The following SPIDR variants were observed in gnomAD, a reference collection of about 807,000 sequenced individuals.
SPIDR encodes the protein scaffold protein involved in DNA repair.
In SPIDR, 93 loss-of-function variants were observed where a neutral mutation model predicts 104.6. That is an observed-to-expected ratio of 0.89 (90% CI 0.75 to 1.06). The LOEUF (loss-of-function observed/expected upper bound fraction) is 1.06, where lower values mean the gene tolerates loss of function less well. Among genes scored for constraint, SPIDR ranks in the 50% least tolerant of loss-of-function variants. The pLI is 0.00. For synonymous variants in SPIDR, 431 were observed against 416.9 expected, an observed-to-expected ratio of 1.03 and a Z score of -0.41; for missense variants, 1,154 against 1,111.2, an observed-to-expected ratio of 1.04 and a Z score of -0.55.
At chr8:47,373,469 G>A (rs570264890) in intron 5 of SPIDR, among the ~76,000 whole-genome samples, 5 of 152,108 alleles carry the variant, frequency 3.3e-5, no homozygotes, top group African/African-American at 1.2e-4. Flanking sequence ...AAATGTGGCA[G>A]TAGTTTAGGT....
chr8:47,344,797 C>G (rs1312458310), intron 5 of SPIDR, among the ~76,000 whole-genome samples: 2 of 152,134 alleles, frequency 1.3e-5, no homozygotes, highest in African/African-American at 2.4e-5. Context: ...TGTCCTTTGC[C>G]CACTTTTTGA....
intron 8 of SPIDR, among the ~76,000 whole-genome samples, chr8:47,524,216 G>A (rs867873336): frequency 4.6e-5 from 7 of 152,076 alleles, no homozygotes; most frequent in African/African-American, 1.4e-4. Context: ...GGTAAATCAG[G>A]CGACTCTCCA....
chr8:47,486,615 C>T (rs1352898195), intron 8 of SPIDR, among the ~76,000 whole-genome samples: 1 of 152,258 alleles, frequency 6.6e-6, no homozygotes, highest in East Asian at 1.9e-4. Context: ...GTCGGGTTAC[C>T]CACAAAGGGA....
At chr8:47,291,219 T>C in intron 4 of SPIDR, 82 bp downstream of exon 4, 2 of 894,956 alleles carry the variant, frequency 2.2e-6, no homozygotes, top group South Asian at 5.1e-5. Context: ...GAAGGTAAAT[T>C]GATAATTTTG....
At chr8:47,651,879 C>T (rs1288542645) in intron 10 of SPIDR, among the ~76,000 whole-genome samples, 1 of 152,092 alleles carries the variant, frequency 6.6e-6, no homozygotes, top group Non-Finnish European at 1.5e-5. Flanking sequence ...TGTATGTTCT[C>T]ACTTACAAAT....
chr8:47,643,733 C>T (rs1168314117), intron 10 of SPIDR, among the ~76,000 whole-genome samples: 3 of 152,230 alleles, frequency 2.0e-5, no homozygotes, highest in East Asian at 1.9e-4. Context: ...ATATTATATA[C>T]ACAAAAAAGC....
At chr8:47,437,108 T>A (rs1358102448) in intron 7 of SPIDR, among the ~76,000 whole-genome samples, 3 of 152,188 alleles carry the variant, frequency 2.0e-5, no homozygotes, top group Admixed American at 6.5e-5. Flanking sequence ...TCTTTTTTTT[T>A]TATACTTTAA....
At chr8:47,489,061 T>C (rs1158807381) in intron 8 of SPIDR, among the ~76,000 whole-genome samples, 1 of 152,180 alleles carries the variant, frequency 6.6e-6, no homozygotes, top group Non-Finnish European at 1.5e-5. Context: ...GAAGTCAAAT[T>C]GTCCCTGTTT....
intron 1 of SPIDR, among the ~76,000 whole-genome samples, chr8:47,262,052 G>A (rs1252670215): frequency 1.3e-5 from 2 of 152,076 alleles, no homozygotes; most frequent in Admixed American, 6.5e-5. Flanking sequence ...TCTCTTTACT[G>A]TGTTCGTGCC....
chr8:47,265,846 T>A (rs1217440678), intron 1 of SPIDR, among the ~76,000 whole-genome samples: 1 of 152,194 alleles, frequency 6.6e-6, no homozygotes, highest in Non-Finnish European at 1.5e-5. Flanking sequence ...GCCTGCTTTC[T>A]GGTTCACAGA....
chr8:47,265,171 A>G, intron 1 of SPIDR, among the ~76,000 whole-genome samples: 1 of 144,616 alleles, frequency 6.9e-6, no homozygotes, highest in East Asian at 2.1e-4. Context: ...ACTACTTAGT[A>G]TTGACATCTC....
chr8:47,278,384 A>G (rs967269309), intron 1 of SPIDR, among the ~76,000 whole-genome samples: 5 of 150,122 alleles, frequency 3.3e-5, no homozygotes, highest in Non-Finnish European at 5.9e-5. Context: ...CAGTGGTGCA[A>G]TCATGGCTCA....
At chr8:47,560,427 C>T (rs1161010321) in intron 8 of SPIDR, among the ~76,000 whole-genome samples, 3 of 152,110 alleles carry the variant, frequency 2.0e-5, no homozygotes, top group African/African-American at 4.8e-5. Flanking sequence ...CCCTTCGTCC[C>T]GCCTGCAGCT....
chr8:47,436,035 GA>G (rs1554691796), intron 7 of SPIDR, among the ~76,000 whole-genome samples: 1 of 152,204 alleles, frequency 6.6e-6, no homozygotes, highest in African/African-American at 2.4e-5. Context: ...GGGTTGTTGT[GA>G]ATCGAGTATG....
chr8:47,308,874 A>G (rs2043602545), intron 5 of SPIDR, among the ~76,000 whole-genome samples: 2 of 152,236 alleles, frequency 1.3e-5, no homozygotes, highest in Admixed American at 1.3e-4. Context: ...AGGGTGGCAA[A>G]TGGATAGCTG....
At chr8:47,485,026 G>C (rs1234568811) in intron 8 of SPIDR, among the ~76,000 whole-genome samples, 1 of 152,190 alleles carries the variant, frequency 6.6e-6, no homozygotes, top group Non-Finnish European at 1.5e-5. Context: ...AGCCCACCAA[G>C]CGTGAGCTGA....
intron 11 of SPIDR, among the ~76,000 whole-genome samples, chr8:47,691,515 A>G (rs1038429842): frequency 1.3e-5 from 2 of 152,180 alleles, no homozygotes; most frequent in East Asian, 3.9e-4. Context: ...CAGAAGTATT[A>G]CTGAAATACT....
intron 10 of SPIDR, among the ~76,000 whole-genome samples, chr8:47,613,290 GT>G (rs1278067246): frequency 6.6e-6 from 1 of 152,140 alleles, no homozygotes; most frequent in Non-Finnish European, 1.5e-5. Context: ...TTAGGATAAT[GT>G]TTTCAAGGCT....
At chr8:47,620,149 G>T (rs1404604763) in intron 10 of SPIDR, among the ~76,000 whole-genome samples, 1 of 152,164 alleles carries the variant, frequency 6.6e-6, no homozygotes, top group African/African-American at 2.4e-5. Context: ...GAGTAGTCAA[G>T]GAAGACATTT....
Sources: allele counts gnomAD v4.1 joint callset (sites outside exome capture counted in the v4.1 genomes callset), GRCh38; gene constraint gnomAD v4.1.1; transcripts MANE v1.5; gene names NCBI Gene and HGNC (gene_info 2026-07-23, HGNC 2026-07-21).